ADAMTSL3: variants seen among roughly 807,000 people sequenced by gnomAD.
The protein encoded by ADAMTSL3 is ADAMTS like 3.
In ADAMTSL3, 128 loss-of-function variants were observed where a neutral mutation model predicts 201.7. That is an observed-to-expected ratio of 0.63 (90% CI 0.55 to 0.73). The LOEUF is 0.73. Among genes scored for constraint, ADAMTSL3 ranks in the 30% least tolerant of loss-of-function variants. The pLI, the probability that ADAMTSL3 is intolerant of heterozygous loss-of-function variation, is 0.00. For missense variants in ADAMTSL3, 1,990 were observed against 2,119.6 expected (o/e 0.94, Z 1.20); for synonymous variants, 738 against 748.4 (o/e 0.99, Z 0.23).
In ADAMTSL3 at chr15:83,983,443, T is replaced by C; in HGVS notation, c.3716+99T>C. 4 of 904,536 alleles carry C rather than the reference T, an allele frequency of 4.4e-6. No homozygotes were observed. The South Asian group carries it at 7.0e-5, about 16-fold the overall frequency. The allele number at this position is 904,536 out of a possible 1,614,324, so 56.0% of individuals were successfully genotyped here. On this transcript the variant is annotated intron_variant, in intron 21 of 29. Coordinates refer to ENST00000286744, the MANE Select transcript of ADAMTSL3 (RefSeq NM_207517.3). ...TTTTCAAATTCCTCTCCTAAGCATG[T>C]GTTTCCAACAGGATTCTTTAGGAAA...
chr15:83,821,077 GA>G (rs769533674), intron 6 of ADAMTSL3, among the ~76,000 whole-genome samples: 32 of 144,816 alleles, frequency 2.2e-4, no homozygotes, highest in Middle Eastern at 3.5e-3. Context: ...GTCTCAAAAA[GA>G]AAAAAAAAAA....
At chr15:83,743,421 G>T (rs1454517941) in intron 3 of ADAMTSL3, among the ~76,000 whole-genome samples, 1 of 150,728 alleles carries the variant, frequency 6.6e-6, no homozygotes, top group African/African-American at 2.4e-5. Flanking sequence ...GCTGAGGCAG[G>T]AGAATGGCGT....
chr15:83,688,051 T>C (rs1007359490), intron 2 of ADAMTSL3, among the ~76,000 whole-genome samples: 2 of 152,072 alleles, frequency 1.3e-5, no homozygotes, highest in Non-Finnish European at 2.9e-5. Flanking sequence ...TTAGAAGCCT[T>C]AACGTTCAAA....
rs1479663337 is a variant in ADAMTSL3, at chr15:83,913,114, G to C, written c.1723G>C (p.Ala575Pro). The C allele has an allele frequency of 1.2e-6, 2 of 1,613,976 alleles. No individual in the cohort carries two copies. Among genetic ancestry groups the C allele is most frequent in the African/African-American group, 2.7e-5 (2 of 74,912 alleles). The part of the protein sequence containing the change: ...EPTFIPEPWS[A>P]CSTTCGPGVQ... ...TAGGTTCATTCCAGAACCCTGGTCA[G>C]CCTGCAGTACCACGTGTGGGCCGGG... Residue 575 changes from alanine to proline, a missense_variant, in exon 16 of 30, where the codon GCC (alanine) becomes CCC (proline). Coordinates refer to ENST00000286744, the MANE Select transcript of ADAMTSL3 (RefSeq NM_207517.3).
intron 8 of ADAMTSL3, among the ~76,000 whole-genome samples, chr15:83,859,233 T>C (rs1417371548): frequency 1.3e-5 from 2 of 152,218 alleles, no homozygotes; most frequent in Admixed American, 6.5e-5. Context: ...AAGTGGGGGC[T>C]TACAGACCAT....
At chr15:83,952,805 CAA>C (rs59518430) in intron 19 of ADAMTSL3, among the ~76,000 whole-genome samples, 58 of 111,684 alleles carry the variant, frequency 5.2e-4, no homozygotes, top group Non-Finnish European at 5.3e-4. Context: ...GATTCCACCT[CAA>C]AAAAAAAAAA....
At chr15:84,033,730 T>C (rs561825494) in intron 28 of ADAMTSL3, among the ~76,000 whole-genome samples, 3 of 152,280 alleles carry the variant, frequency 2.0e-5, no homozygotes, top group Admixed American at 2.0e-4. Flanking sequence ...TCATCCATTA[T>C]CTCATGCTGT....
intron 8 of ADAMTSL3, among the ~76,000 whole-genome samples, chr15:83,865,823 G>A (rs1416788897): frequency 6.6e-6 from 1 of 152,116 alleles, no homozygotes; most frequent in Admixed American, 6.5e-5. Context: ...AGAGTGAACA[G>A]GCAACCTACA....
At chr15:83,814,084 C>T (rs2063736146) in intron 5 of ADAMTSL3, among the ~76,000 whole-genome samples, 2 of 152,112 alleles carry the variant, frequency 1.3e-5, no homozygotes, top group South Asian at 4.2e-4. Context: ...GCAGACGGGG[C>T]TCCCAGGGCT....
intron 2 of ADAMTSL3, among the ~76,000 whole-genome samples, chr15:83,685,939 T>TC (rs1187309815): frequency 6.6e-6 from 1 of 152,154 alleles, no homozygotes; most frequent in Non-Finnish European, 1.5e-5. Flanking sequence ...CCCTGTGACT[T>TC]CCCCCGGTAC....
intron 3 of ADAMTSL3, among the ~76,000 whole-genome samples, chr15:83,745,652 C>T (rs1347866343): frequency 6.6e-6 from 1 of 152,194 alleles, no homozygotes; most frequent in Non-Finnish European, 1.5e-5. Context: ...CCTGCCAGCA[C>T]CCAAGCGACT....
At chr15:84,036,445 C>A (rs1239359716) in intron 28 of ADAMTSL3, among the ~76,000 whole-genome samples, 5 of 152,122 alleles carry the variant, frequency 3.3e-5, no homozygotes, top group Non-Finnish European at 7.4e-5. Flanking sequence ...AATTCTCTTC[C>A]TTGCCAAAAT....
chr15:83,845,794 G>T (rs768613893), intron 7 of ADAMTSL3, among the ~76,000 whole-genome samples: 1 of 152,196 alleles, frequency 6.6e-6, no homozygotes, highest in Non-Finnish European at 1.5e-5. Context: ...ACAAGAATGA[G>T]TTGGTGTGAG....
intron 23 of ADAMTSL3, among the ~76,000 whole-genome samples, chr15:84,009,816 G>A (rs1011246021): frequency 3.3e-5 from 5 of 150,460 alleles, no homozygotes; most frequent in Non-Finnish European, 7.4e-5. Context: ...TCCCTCTGCC[G>A]GAAATGCTCT....
chr15:83,793,341 A>G (rs2063372342), intron 4 of ADAMTSL3, among the ~76,000 whole-genome samples: 1 of 152,254 alleles, frequency 6.6e-6, no homozygotes, highest in Non-Finnish European at 1.5e-5. Context: ...TATTATCACC[A>G]CAAAAATAAC....
At chr15:83,821,620 GAA>G (rs1308720430) in intron 6 of ADAMTSL3, among the ~76,000 whole-genome samples, 1 of 151,544 alleles carries the variant, frequency 6.6e-6, no homozygotes, top group Non-Finnish European at 1.5e-5. Context: ...AGAACAAAAT[GAA>G]AAGTCTCCCA....
chr15:83,744,872 T>C (rs978134001), intron 3 of ADAMTSL3, among the ~76,000 whole-genome samples: 1 of 152,146 alleles, frequency 6.6e-6, no homozygotes, highest in Non-Finnish European at 1.5e-5. Context: ...TGTGTTTGTT[T>C]ATTATATCGA....
chr15:83,954,972 A>G (rs963543125), intron 19 of ADAMTSL3, among the ~76,000 whole-genome samples: 12 of 152,140 alleles, frequency 7.9e-5, no homozygotes, highest in African/African-American at 2.9e-4. Flanking sequence ...ACTGGGTTTC[A>G]CCCAAGACCC....
At chr15:84,028,843 C>T (rs2068354806) in intron 27 of ADAMTSL3, among the ~76,000 whole-genome samples, 1 of 152,176 alleles carries the variant, frequency 6.6e-6, no homozygotes, top group African/African-American at 2.4e-5. Context: ...CAGTTTCCCC[C>T]ATGCTGTTCT....
Sources: allele counts gnomAD v4.1 joint callset (sites outside exome capture counted in the v4.1 genomes callset), GRCh38; gene constraint gnomAD v4.1.1; transcripts MANE v1.5; gene names NCBI Gene and HGNC (gene_info 2026-07-23, HGNC 2026-07-21).